Variants in NAALADL2 observed in about 807,000 individuals in gnomAD.
NAALADL2 encodes N-acetylated alpha-linked acidic dipeptidase like 2.
Under a neutral mutation model 87.2 loss-of-function variants are expected in NAALADL2, and 76 were observed. That is an observed-to-expected ratio of 0.87 (90% confidence interval 0.72 to 1.05). The LOEUF is 1.05. NAALADL2 is among the 50% of genes least tolerant of loss of function. NAALADL2 has a pLI of 0.00. For missense variants in NAALADL2, 1,089 were observed against 945.8 expected (o/e 1.15, Z -1.99); for synonymous variants, 354 against 331.0 (o/e 1.07, Z -0.75).
At chr3:175,188,269 T>C (rs1048371913) in intron 2 of NAALADL2, among the ~76,000 whole-genome samples, 1 of 152,068 alleles carries the variant, frequency 6.6e-6, no homozygotes, top group African/African-American at 2.4e-5. Flanking sequence ...AAAATACAAA[T>C]TGTATTGTGC....
chr3:175,326,956 A>G (rs1410396213), intron 5 of NAALADL2, among the ~76,000 whole-genome samples: 2 of 152,098 alleles, frequency 1.3e-5, no homozygotes, highest in East Asian at 1.9e-4. Flanking sequence ...CTAATCTAAA[A>G]CTACCTTTTT....
At chr3:174,885,833 C>T (rs941225463) in intron 1 of NAALADL2, among the ~76,000 whole-genome samples, 1 of 121,322 alleles carries the variant, frequency 8.2e-6, no homozygotes, top group South Asian at 2.9e-4. Context: ...CAAGTTCCCA[C>T]AATAGGCCAT....
At chr3:175,102,561 G>A (rs73176735) in intron 2 of NAALADL2, among the ~76,000 whole-genome samples, 31,129 of 151,856 alleles carry the variant, frequency 0.2, 3,568 homozygotes, top group Non-Finnish European at 0.27. Context: ...TGTATGGTAC[G>A]CCATCTCTTT....
rs551277219 is a variant in NAALADL2 at position 174,757,750 on chromosome 3, G to T, written c.-9+20004G>T. The stretch of plus-strand genomic sequence containing the variant: ...GAACTCCTGACCTTGTGATCCACCC[G>T]CCTCAGCCTCCCAAAGTGCTAGGAT... On this transcript the variant is annotated intron_variant, in intron 3 of 3. Transcript: ENST00000434257. Among the ~76,000 whole-genome samples the T allele has an allele frequency of 2.2e-4, 34 of 151,982 alleles. No individual in the cohort carries two copies. In the East Asian group the frequency reaches 6.0e-3, roughly 27 times the overall value.
chr3:175,047,651 G>A (rs1002814839), intron 1 of NAALADL2, among the ~76,000 whole-genome samples: 6 of 151,932 alleles, frequency 3.9e-5, no homozygotes, highest in African/African-American at 4.8e-5. Flanking sequence ...TGTCTCAGAC[G>A]GTTTTAGATG....
intron 5 of NAALADL2, among the ~76,000 whole-genome samples, chr3:175,337,640 A>G (rs1220128271): frequency 2.0e-5 from 3 of 152,194 alleles, no homozygotes; most frequent in Non-Finnish European, 4.4e-5. Flanking sequence ...TTTTGAAGAC[A>G]TAAATTTCTA....
chr3:175,191,388 T>C (rs1738181657), intron 2 of NAALADL2, among the ~76,000 whole-genome samples: 2 of 152,188 alleles, frequency 1.3e-5, no homozygotes, highest in Non-Finnish European at 1.5e-5. Context: ...ACAAATTCAT[T>C]GTAGAGCAGA....
chr3:175,463,626 G>C (rs1001474952), intron 7 of NAALADL2, 133 bp downstream of exon 7: 2 of 418,434 alleles, frequency 4.8e-6, no homozygotes, highest in Non-Finnish European at 8.2e-6. Context: ...TCTTAGAGTA[G>C]ATAAATTTGA....
intron 11 of NAALADL2, among the ~76,000 whole-genome samples, chr3:175,668,620 G>C (rs1733531695): frequency 6.6e-6 from 1 of 152,024 alleles, no homozygotes; most frequent in Non-Finnish European, 1.5e-5. Flanking sequence ...TTGTTTCTAT[G>C]TCCAAATCTT....
At chr3:174,884,678 C>T (rs1579352253) in intron 1 of NAALADL2, among the ~76,000 whole-genome samples, 1 of 152,160 alleles carries the variant, frequency 6.6e-6, no homozygotes, top group Non-Finnish European at 1.5e-5. Flanking sequence ...CTGAATCCAT[C>T]AATTCAGCCT....
At chr3:175,466,387 T>C (rs1160287136) in intron 7 of NAALADL2, among the ~76,000 whole-genome samples, 3 of 152,298 alleles carry the variant, frequency 2.0e-5, no homozygotes, top group South Asian at 2.1e-4. Context: ...TCTAATACAT[T>C]TTGAATGATT....
chr3:175,185,418 G>A (rs2109018415), intron 2 of NAALADL2, among the ~76,000 whole-genome samples: 1 of 152,062 alleles, frequency 6.6e-6, no homozygotes, highest in African/African-American at 2.4e-5. Context: ...TCCACACAAT[G>A]ATGAAGAAAA....
chr3:175,230,501 T>C (rs1744786432), intron 2 of NAALADL2, among the ~76,000 whole-genome samples: 1 of 151,940 alleles, frequency 6.6e-6, no homozygotes, highest in African/African-American at 2.4e-5. Flanking sequence ...CATGAATAGC[T>C]AAATAATACA....
At chr3:175,665,913 G>A (rs1333469527) in intron 11 of NAALADL2, among the ~76,000 whole-genome samples, 1 of 151,828 alleles carries the variant, frequency 6.6e-6, no homozygotes. Flanking sequence ...CCTGGCAACA[G>A]AGTGGGACTC....
intron 1 of NAALADL2, among the ~76,000 whole-genome samples, chr3:174,518,927 A>C (rs1394954363): frequency 6.6e-6 from 1 of 152,170 alleles, no homozygotes; most frequent in East Asian, 1.9e-4. Flanking sequence ...GCATTTTTTT[A>C]AGGCAAAAGC....
chr3:175,121,600 C>A (rs892035972), intron 2 of NAALADL2, among the ~76,000 whole-genome samples: 3 of 151,798 alleles, frequency 2.0e-5, no homozygotes, highest in African/African-American at 7.3e-5. Context: ...CAGGAAATTC[C>A]AACATCCAGT....
chr3:174,560,302 A>G (rs749030505), intron 2 of NAALADL2, among the ~76,000 whole-genome samples: 1 of 152,222 alleles, frequency 6.6e-6, no homozygotes, highest in Non-Finnish European at 1.5e-5. Context: ...GCATAGCCTT[A>G]ATGACAATAG....
intron 1 of NAALADL2, among the ~76,000 whole-genome samples, chr3:175,034,974 A>G (rs906886391): frequency 6.6e-6 from 1 of 152,184 alleles, no homozygotes; most frequent in African/African-American, 2.4e-5. Context: ...CTGTATTCTC[A>G]GTGTCCAGAA....
chr3:175,633,589 A>T (rs1728105020), intron 11 of NAALADL2, among the ~76,000 whole-genome samples: 1 of 151,900 alleles, frequency 6.6e-6, no homozygotes, highest in South Asian at 2.1e-4. Flanking sequence ...ATATATAAAA[A>T]TCTCTGAATA....
Sources: gnomAD v4.1 joint callset for allele counts (sites outside exome capture counted in the v4.1 genomes callset) on GRCh38, gnomAD v4.1.1 for gene constraint, MANE v1.5 for transcripts, NCBI Gene and HGNC (gene_info 2026-07-23, HGNC 2026-07-21) for gene names.